The following MYO6 variants were observed in gnomAD, a reference collection of about 807,000 sequenced individuals.
MYO6 encodes myosin VI.
MYO6 carries 74 observed loss-of-function variants against 178.7 expected under a neutral mutation model. The observed-to-expected ratio is 0.41, with a 90% CI of 0.34 to 0.50. MYO6 has a LOEUF of 0.50. Among genes scored for constraint, MYO6 ranks in the 20% least tolerant of loss-of-function variants. The probability of loss-of-function intolerance (pLI) is 0.09; values close to 1 mark genes in which losing one functional copy is unlikely to be tolerated. For synonymous variants in MYO6, 477 were observed against 504.6 expected, an observed-to-expected ratio of 0.95 and a Z score of 0.73; for missense variants, 1,330 against 1,547.4, an observed-to-expected ratio of 0.86 and a Z score of 2.36.
intron 1 of MYO6, among the ~76,000 whole-genome samples, chr6:75,805,015 A>ATTTTT (rs1358076357): frequency 3.3e-5 from 2 of 60,364 alleles, no homozygotes; most frequent in African/African-American, 2.2e-4. Flanking sequence ...ATATATATAT[A>ATTTTT]TATATATTTT....
At position 75,899,968 on chromosome 6, in the gene MYO6, G is replaced by T. The variant is rs1290379202; in HGVS notation, c.3176+1557G>T. Reference sequence around the variant, plus strand: ...TTCTCATTGTTCAGTTCCCACCTATGAGTGAGAATATGTGGTGTTTGGTTT... The same window carrying T: ...TTCTCATTGTTCAGTTCCCACCTATTAGTGAGAATATGTGGTGTTTGGTTT... On this transcript the variant is annotated intron_variant, in intron 30 of 34. Coordinates refer to ENST00000369977, the MANE Select transcript of MYO6 (RefSeq NM_004999.4). 4.2e-5 allele frequency among the ~76,000 whole-genome samples: 6 copies of T among 144,350 alleles called. No homozygotes were observed. The East Asian group carries it at 1.2e-3, about 30-fold the overall frequency. 94.7% of individuals were successfully genotyped at this position (144,350 alleles called of 152,430 possible).
At chr6:75,778,457 C>T (rs1766611159) in intron 1 of MYO6, among the ~76,000 whole-genome samples, 1 of 151,904 alleles carries the variant, frequency 6.6e-6, no homozygotes, top group African/African-American at 2.4e-5. Flanking sequence ...ATTAGCCGGG[C>T]GTGATGGCGG....
intron 33 of MYO6, among the ~76,000 whole-genome samples, chr6:75,912,241 C>T (rs917796164): frequency 3.9e-5 from 6 of 151,970 alleles, no homozygotes; most frequent in Non-Finnish European, 7.4e-5. Context: ...AGCTTTGAGT[C>T]ACCTTAGTGC....
intron 1 of MYO6, among the ~76,000 whole-genome samples, chr6:75,796,629 C>CTTTTTTTTTTT (rs143090177): frequency 7.6e-6 from 1 of 132,432 alleles, no homozygotes. Context: ...TGACTCCCAT[C>CTTTTTTTTTTT]TTTTTTTTTT....
intron 3 of MYO6, among the ~76,000 whole-genome samples, chr6:75,827,710 C>T (rs1045824190): frequency 2.0e-5 from 3 of 152,178 alleles, no homozygotes; most frequent in Non-Finnish European, 4.4e-5. Flanking sequence ...CTTTGAGTAC[C>T]TGCCATGAGC....
intron 1 of MYO6, among the ~76,000 whole-genome samples, chr6:75,781,589 C>T (rs935316203): frequency 2.0e-5 from 3 of 152,026 alleles, no homozygotes; most frequent in African/African-American, 7.3e-5. Flanking sequence ...TGTGTTTCCT[C>T]CAGTGTCATT....
At chr6:75,857,598 C>T (rs1554210886) in intron 13 of MYO6, among the ~76,000 whole-genome samples, 1 of 151,944 alleles carries the variant, frequency 6.6e-6, no homozygotes, top group Non-Finnish European at 1.5e-5. Context: ...GATTAAATAA[C>T]AAAAAAAGAT....
At chr6:75,906,358 T>C (rs1387403617) in intron 30 of MYO6, among the ~76,000 whole-genome samples, 1 of 152,190 alleles carries the variant, frequency 6.6e-6, no homozygotes, top group Non-Finnish European at 1.5e-5. Flanking sequence ...TATTTTCTGA[T>C]TAATGATCTC....
chr6:75,753,766 T>C (rs1178524440), intron 1 of MYO6, among the ~76,000 whole-genome samples: 1 of 152,130 alleles, frequency 6.6e-6, no homozygotes, highest in African/African-American at 2.4e-5. Flanking sequence ...CTTGCCGGCA[T>C]TATATAATGT....
chr6:75,839,158 T>C (rs1397152012), intron 7 of MYO6, among the ~76,000 whole-genome samples: 1 of 152,076 alleles, frequency 6.6e-6, no homozygotes, highest in African/African-American at 2.4e-5. Flanking sequence ...ATAAGAAATA[T>C]GACTTCATGT....
intron 1 of MYO6, among the ~76,000 whole-genome samples, chr6:75,772,501 T>A (rs182634672): frequency 6.6e-6 from 1 of 152,324 alleles, no homozygotes; most frequent in African/African-American, 2.4e-5. Context: ...GGAATCATTG[T>A]TTTACTAACC....
chr6:75,841,487 G>A (rs1392816192), intron 9 of MYO6, 109 bp downstream of exon 9: 8 of 1,057,084 alleles, frequency 7.6e-6, no homozygotes, highest in South Asian at 2.7e-5. Flanking sequence ...CTGGGAGTTC[G>A]AGAGCAGCCT....
intron 1 of MYO6, among the ~76,000 whole-genome samples, chr6:75,792,876 T>C (rs1768383119): frequency 6.6e-6 from 1 of 152,146 alleles, no homozygotes; most frequent in African/African-American, 2.4e-5. Context: ...CTTGAACTCC[T>C]GGGCTCAGGT....
intron 3 of MYO6, among the ~76,000 whole-genome samples, chr6:75,825,876 A>G (rs184907349): frequency 6.6e-6 from 1 of 152,284 alleles, no homozygotes; most frequent in East Asian, 1.9e-4. Flanking sequence ...ATTTATTAAA[A>G]CAGTGTTTAT....
chr6:75,808,737 A>C (rs376589215), intron 1 of MYO6, among the ~76,000 whole-genome samples: 10 of 152,154 alleles, frequency 6.6e-5, no homozygotes, highest in Non-Finnish European at 1.5e-4. Context: ...CAGCCACAGG[A>C]GGTTCTGAGG....
rs1767298242 is a variant in MYO6 at position 75,784,390 on chromosome 6, A to T, written c.-47-33111A>T. On this transcript the variant is annotated intron_variant, in intron 1 of 34. Transcript: ENST00000369977. The stretch of plus-strand genomic sequence containing the variant: ...GGATTGGACACAGAGAATGGAAGTG[A>T]AGTTGAAAGCCAGAATTAGGAGTGT... Among the ~76,000 whole-genome samples the T allele has an allele frequency of 3.3e-5, 5 of 152,130 alleles. No homozygotes were observed. In the South Asian group the frequency reaches 1.0e-3, roughly 32 times the overall value.
Position 75,841,301 on chromosome 6 carries a change from A to G in MYO6, c.739A>G (p.Ile247Val). Residue 247 changes from isoleucine (I) to valine (V), a missense_variant, in exon 9 of 35, where the codon ATC becomes GTC. Ile to Val is a conservative substitution (Grantham distance 29, BLOSUM62 3). Coordinates refer to ENST00000369977, the MANE Select transcript of MYO6 (RefSeq NM_004999.4). Reference protein sequence around the residue: ...VQGKEERNYHIFYRLCAGASE... With the variant: ...VQGKEERNYHVFYRLCAGASE... ...AGGCAAAGAGGAAAGAAATTATCAT[A>G]TCTTTTATAGGTTGTGTGCTGGTGC... 6.2e-7 allele frequency: 1 copy of G among 1,613,376 alleles called. No homozygotes were observed. Among genetic ancestry groups the G allele is most frequent in the Non-Finnish European group, 8.5e-7 (1 of 1,179,346 alleles).
rs1415416467 is a variant in MYO6, at chr6:75,787,726, CTCTCTATA to C, written c.-47-29773_-47-29766del. 3.7e-3 allele frequency among the ~76,000 whole-genome samples: 75 copies of C among 20,418 alleles called. 1 individual carries two copies. The highest frequency in any genetic ancestry group is 9.3e-3 in the East Asian group (5 of 536). The allele number at this position is 20,418 out of a possible 152,430, so 13.4% of individuals were successfully genotyped here. The stretch of plus-strand genomic sequence containing the variant: ...TCTCTCTCTCTCTCTCTCTCTCTCT[CTCTCTATA>C]TATATATATATATATATATATATAT... On this transcript the variant is annotated intron_variant, in intron 1 of 34. Coordinates refer to ENST00000369977, the MANE Select transcript of MYO6 (RefSeq NM_004999.4).
At chr6:75,781,249 G>A (rs1766951400) in intron 1 of MYO6, among the ~76,000 whole-genome samples, 1 of 152,172 alleles carries the variant, frequency 6.6e-6, no homozygotes, top group South Asian at 2.1e-4. Flanking sequence ...TCATAGAAAG[G>A]GGTACCTAAT....
Sources: allele counts gnomAD v4.1 joint callset (sites outside exome capture counted in the v4.1 genomes callset), GRCh38; gene constraint gnomAD v4.1.1; transcripts MANE v1.5; gene names NCBI Gene and HGNC (gene_info 2026-07-23, HGNC 2026-07-21).